Variants in CCSER1 observed in about 807,000 individuals in gnomAD.
The protein encoded by CCSER1 is coiled-coil serine rich protein 1, also known as serine-rich coiled-coil domain-containing protein 1.
Under a neutral mutation model 82.0 loss-of-function variants are expected in CCSER1, and 41 were observed. The observed-to-expected ratio is 0.50, with a 90% CI of 0.39 to 0.65. The LOEUF (loss-of-function observed/expected upper bound fraction) is 0.65, where lower values mean the gene tolerates loss of function less well. CCSER1 is among the 30% of genes least tolerant of loss of function. The probability of loss-of-function intolerance (pLI) is 0.00; values close to 1 mark genes in which losing one functional copy is unlikely to be tolerated. For missense variants in CCSER1, 1,119 were observed against 1,064.2 expected, an observed-to-expected ratio of 1.05 and a Z score of -0.72; for synonymous variants, 414 against 383.9, an observed-to-expected ratio of 1.08 and a Z score of -0.92.
At chr4:91,311,081 C>T (rs1371661240) in intron 10 of CCSER1, among the ~76,000 whole-genome samples, 1 of 151,966 alleles carries the variant, frequency 6.6e-6, no homozygotes, top group Admixed American at 6.6e-5. Flanking sequence ...CTACTGCTTT[C>T]ATTTAACTAT....
intron 8 of CCSER1, among the ~76,000 whole-genome samples, chr4:90,843,269 T>G (rs1311614153): frequency 6.6e-6 from 1 of 152,218 alleles, no homozygotes; most frequent in African/African-American, 2.4e-5. Flanking sequence ...TGTGGCTATT[T>G]ACTGCTAAAC....
At chr4:91,127,272 T>A (rs145365889) in intron 10 of CCSER1, among the ~76,000 whole-genome samples, 1 of 152,038 alleles carries the variant, frequency 6.6e-6, no homozygotes, top group African/African-American at 2.4e-5. Flanking sequence ...CCAGGAAATA[T>A]GTGAAAAAAA....
At position 90,978,881 on chromosome 4, in the gene CCSER1, GT is replaced by G. The variant is rs528044532; in HGVS notation, c.2172+55437del. 4.0e-5 allele frequency among the ~76,000 whole-genome samples: 6 copies of G among 151,780 alleles called. No individual in the cohort carries two copies. In the East Asian group the frequency reaches 1.2e-3, roughly 30 times the overall value. On this transcript the variant is annotated intron_variant, in intron 9 of 10. Transcript: ENST00000509176. ...TTCAAAAACAGCCCTTTGAATACCA[GT>G]TTCCCATTTTGGAGATAATCTTTTA...
chr4:91,455,164 C>T (rs954576108), intron 10 of CCSER1, among the ~76,000 whole-genome samples: 15 of 151,814 alleles, frequency 9.9e-5, no homozygotes, highest in African/African-American at 3.6e-4. Flanking sequence ...GAAAATAACA[C>T]AATGAGTGGA....
chr4:90,611,113 G>A (rs1446759365), intron 5 of CCSER1, among the ~76,000 whole-genome samples: 1 of 116,030 alleles, frequency 8.6e-6, no homozygotes, highest in Non-Finnish European at 1.6e-5. Flanking sequence ...TGATCAGGCT[G>A]GTCTCGAACT....
chr4:90,992,342 C>CA (rs947259380), intron 9 of CCSER1, among the ~76,000 whole-genome samples: 42 of 151,996 alleles, frequency 2.8e-4, no homozygotes, highest in African/African-American at 1.0e-3. Flanking sequence ...ACTGCTCATA[C>CA]AAAAAATATT....
chr4:91,365,990 C>G (rs116243103), intron 10 of CCSER1, among the ~76,000 whole-genome samples: 1,527 of 152,184 alleles, frequency 0.01, 21 homozygotes, highest in African/African-American at 0.032. Flanking sequence ...AATTCATAGC[C>G]AATAATATTT....
At chr4:90,340,311 A>G (rs1424984782) in intron 3 of CCSER1, among the ~76,000 whole-genome samples, 1 of 152,146 alleles carries the variant, frequency 6.6e-6, no homozygotes, top group Admixed American at 6.6e-5. Context: ...TAAAGCGTTG[A>G]TTTACATTTA....
chr4:90,536,906 C>T (rs1775452389), intron 5 of CCSER1, among the ~76,000 whole-genome samples: 3 of 152,126 alleles, frequency 2.0e-5, no homozygotes, highest in Non-Finnish European at 4.4e-5. Flanking sequence ...GTGTTGAAAA[C>T]GCTTTTCTTT....
chr4:91,276,786 A>G (rs1311606574), intron 10 of CCSER1, among the ~76,000 whole-genome samples: 1 of 152,100 alleles, frequency 6.6e-6, no homozygotes, highest in East Asian at 1.9e-4. Context: ...CTGTAGGTTT[A>G]TCATATATGG....
chr4:91,176,727 A>G (rs1029769840), intron 10 of CCSER1, among the ~76,000 whole-genome samples: 5 of 152,258 alleles, frequency 3.3e-5, no homozygotes, highest in East Asian at 3.9e-4. Context: ...GGGCTGAGAC[A>G]ATGGGATTTT....
intron 10 of CCSER1, among the ~76,000 whole-genome samples, chr4:91,096,227 G>A (rs1724498924): frequency 6.6e-6 from 1 of 152,158 alleles, no homozygotes; most frequent in African/African-American, 2.4e-5. Context: ...CAAGGGAGGA[G>A]TTTCTCCTGC....
intron 10 of CCSER1, among the ~76,000 whole-genome samples, chr4:91,298,528 A>G (rs1434292044): frequency 6.6e-6 from 1 of 151,960 alleles, no homozygotes; most frequent in Non-Finnish European, 1.5e-5. Context: ...ATGGCAAGGG[A>G]AAATGGTGAA....
Position 91,437,239 on chromosome 4 carries a change from C to G in CCSER1, c.2218-161333C>G, listed in dbSNP as rs112106110. On this transcript the variant is annotated intron_variant, in intron 10 of 10. Coordinates refer to ENST00000509176, the MANE Select transcript of CCSER1 (RefSeq NM_001145065.2). Reference sequence around the variant, plus strand: ...AGATATCAGAATACTAGGGTATTGACTAGGGATTAAGTATATCTCATACCC... The same window carrying G: ...AGATATCAGAATACTAGGGTATTGAGTAGGGATTAAGTATATCTCATACCC... Among the ~76,000 whole-genome samples the G allele has an allele frequency of 2.4e-4, 36 of 152,270 alleles. 1 individual carries two copies. Among genetic ancestry groups the G allele is most frequent in the African/African-American group, 8.2e-4 (34 of 41,544 alleles).
intron 8 of CCSER1, among the ~76,000 whole-genome samples, chr4:90,868,605 A>T (rs564725184): frequency 6.6e-6 from 1 of 152,164 alleles, no homozygotes; most frequent in Admixed American, 6.6e-5. Flanking sequence ...TCCTCTGTCG[A>T]TAGACACTTC....
intron 10 of CCSER1, among the ~76,000 whole-genome samples, chr4:91,101,496 A>G (rs1725047653): frequency 6.6e-6 from 1 of 152,172 alleles, no homozygotes; most frequent in Admixed American, 6.5e-5. Context: ...TTAGCTGGGC[A>G]TGGTGGCATG....
rs1377776604 is a variant in CCSER1, at chr4:90,390,471, A to AT, written c.1510-9563dup. Among the ~76,000 whole-genome samples the AT allele has an allele frequency of 2.0e-5, 3 of 152,160 alleles. No individual in the cohort carries two copies. In the East Asian group the frequency reaches 5.8e-4, roughly 29 times the overall value. On this transcript the variant is annotated intron_variant, in intron 3 of 10. Transcript: ENST00000509176. ...ACATGCCAAGTAGTCCCCAGTGTCT[A>AT]TTGTTGCCATCTTTTTGACCAGTAT...
intron 10 of CCSER1, among the ~76,000 whole-genome samples, chr4:91,560,905 CAT>C (rs1182132355): frequency 1.3e-5 from 2 of 151,252 alleles, no homozygotes; most frequent in African/African-American, 4.8e-5. Context: ...CAGTAGACAT[CAT>C]AGATACAGAG....
intron 5 of CCSER1, among the ~76,000 whole-genome samples, chr4:90,483,798 C>G (rs1353006975): frequency 6.6e-6 from 1 of 152,112 alleles, no homozygotes; most frequent in Non-Finnish European, 1.5e-5. Flanking sequence ...CTCTGGCTGC[C>G]CTTAACATTT....
Sources: allele counts gnomAD v4.1 joint callset (sites outside exome capture counted in the v4.1 genomes callset), GRCh38; gene constraint gnomAD v4.1.1; transcripts MANE v1.5; gene names NCBI Gene and HGNC (gene_info 2026-07-23, HGNC 2026-07-21).